SECISBP2L: variants seen among roughly 807,000 people sequenced by gnomAD.
SECISBP2L encodes SECIS binding protein 2 like.
In SECISBP2L, 43 loss-of-function variants were observed where a neutral mutation model predicts 114.7. That is an observed-to-expected ratio of 0.38 (90% CI 0.29 to 0.48). The LOEUF is 0.48. Ranked by LOEUF, SECISBP2L falls within the 20% of genes least tolerant of loss-of-function variation. The pLI, the probability that SECISBP2L is intolerant of heterozygous loss-of-function variation, is 0.98. For missense variants in SECISBP2L, 1,136 were observed against 1,301.1 expected, an observed-to-expected ratio of 0.87 and a Z score of 1.95; for synonymous variants, 451 against 439.7, an observed-to-expected ratio of 1.03 and a Z score of -0.32.
intron 8 of SECISBP2L, 34 bp downstream of exon 8, chr15:49,019,384 A>G (rs1363294802): frequency 7.3e-6 from 10 of 1,373,412 alleles, no homozygotes; most frequent in Admixed American, 7.2e-5. Context: ...AACATTTCCT[A>G]TAACAGCTTA....
In SECISBP2L at chr15:49,012,752, G is replaced by C; in HGVS notation, c.1627C>G (p.Pro543Ala). The C allele has an allele frequency of 6.2e-7, 1 of 1,613,898 alleles. No homozygotes were observed. Among genetic ancestry groups the C allele is most frequent in the Non-Finnish European group, 8.5e-7 (1 of 1,179,922 alleles). Reference sequence around the variant, plus strand: ...ACAGAATTAAAGGATGTCAAACAGGGCTGACTTTTGGTTAAAGGTTTTCTA... The same window carrying C: ...ACAGAATTAAAGGATGTCAAACAGGCCTGACTTTTGGTTAAAGGTTTTCTA... ...TNRKPLTKSQ[P>A]CLTSFNSVDI... is the part of the protein sequence containing the mutation. The change falls in exon 12 of 18, where the codon CCC becomes GCC. Residue 543 changes from proline (P) to alanine (A), a missense_variant. By Grantham distance (27) the Pro-to-Ala change is conservative. Transcript: ENST00000559471.
intron 1 of SECISBP2L, among the ~76,000 whole-genome samples, chr15:49,039,739 A>T (rs1351820967): frequency 6.6e-6 from 1 of 151,900 alleles, no homozygotes; most frequent in South Asian, 2.1e-4. Context: ...CACGTTTCCC[A>T]GGCTGGTCTT....
chr15:48,998,729 A>T (rs570224668), intron 16 of SECISBP2L, among the ~76,000 whole-genome samples: 8 of 152,132 alleles, frequency 5.3e-5, no homozygotes, highest in Non-Finnish European at 1.0e-4. Context: ...GTGAATAGAC[A>T]TACTTGATAA....
chr15:49,016,826 G>A, intron 10 of SECISBP2L, 22 bp downstream of exon 10: 2 of 1,603,942 alleles, frequency 1.2e-6, no homozygotes, highest in Non-Finnish European at 1.7e-6. Context: ...TATCACATTT[G>A]TTCATAAAAA....
intron 16 of SECISBP2L, 126 bp from the exon 17 acceptor site, chr15:48,996,712 G>T: frequency 4.0e-6 from 3 of 749,420 alleles, no homozygotes; most frequent in Non-Finnish European, 4.3e-6. Context: ...AAATCCAAAT[G>T]GTATGCAAAC....
intron 17 of SECISBP2L, chr15:48,996,153 T>G (rs535602321): frequency 1.1e-5 from 6 of 524,808 alleles, no homozygotes; most frequent in Non-Finnish European, 1.7e-5. Context: ...TTATAAAGAT[T>G]TGGAACTGTG....
At chr15:49,020,195 A>G (rs1021218960) in intron 7 of SECISBP2L, among the ~76,000 whole-genome samples, 8 of 151,886 alleles carry the variant, frequency 5.3e-5, no homozygotes, top group African/African-American at 1.9e-4. Context: ...CACAGGGGGG[A>G]AACTGCATAT....
chr15:49,028,038 C>CAGAA lies in SECISBP2L; in HGVS notation c.919+105_919+106insTTCT, dbSNP rs1318473080. On this transcript the variant is annotated intron_variant, in intron 6 of 17. Transcript: ENST00000559471. ...CAAATTACCTTGAATCTCTGGAAGA[C>CAGAA]TTCTAAGTTTTTTTTGCAGTATCAG... The CAGAA allele has an allele frequency of 3.9e-5, 39 of 1,012,250 alleles. No individual in the cohort carries two copies. The Middle Eastern group carries it at 6.4e-4, about 17-fold the overall frequency. 62.7% of individuals were successfully genotyped at this position (1,012,250 alleles called of 1,614,324 possible). A position where few individuals can be genotyped will look rare whatever the true frequency, so the allele number is the denominator to read the frequency against.
Position 49,009,230 on chromosome 15 carries a change from G to A in SECISBP2L, c.2013C>T (p.Ser671=), listed in dbSNP as rs1902385566. ...ATAAAACTTACTCTCTAAATCTTTT[G>A]CTGTGGATTTTGGTTATTGTTGAAG... ...MASSTITKIH[S]KRFREYCNQV... Residue 671 remains serine, a synonymous_variant, in exon 14 of 18, where the codon AGC becomes AGT. Transcript: ENST00000559471. 6.2e-7 allele frequency: 1 copy of A among 1,613,964 alleles called. No individual in the cohort carries two copies. Among genetic ancestry groups the A allele is most frequent in the African/African-American group, 1.3e-5 (1 of 75,010 alleles).
At chr15:49,032,263 A>G (rs971238247) in intron 4 of SECISBP2L, among the ~76,000 whole-genome samples, 2 of 152,242 alleles carry the variant, frequency 1.3e-5, no homozygotes, top group Non-Finnish European at 2.9e-5. Flanking sequence ...ATTTTTTACT[A>G]GTGTCAATAA....
intron 2 of SECISBP2L, among the ~76,000 whole-genome samples, chr15:49,036,381 G>A (rs140155846): frequency 6.6e-6 from 1 of 152,154 alleles, no homozygotes; most frequent in East Asian, 1.9e-4. Flanking sequence ...TGAAGCATAG[G>A]GCTTTTCCTC....
At chr15:48,999,807 A>C in intron 16 of SECISBP2L, 26 bp downstream of exon 16, 1 of 1,608,398 alleles carries the variant, frequency 6.2e-7, no homozygotes, top group African/African-American at 1.3e-5. Flanking sequence ...CTGGAGAGCA[A>C]GAGTGTGTGT....
At chr15:49,046,195 C>T (rs149574787) in intron 1 of SECISBP2L, 81 bp downstream of exon 1, 219 of 1,499,988 alleles carry the variant, frequency 1.5e-4, no homozygotes, top group Admixed American at 1.0e-3. Flanking sequence ...CCGGTCCCCA[C>T]GTTCGGAGAA....
At chr15:49,045,112 T>G (rs1190374069) in intron 1 of SECISBP2L, among the ~76,000 whole-genome samples, 1 of 152,194 alleles carries the variant, frequency 6.6e-6, no homozygotes, top group Non-Finnish European at 1.5e-5. Context: ...CAATTTCTCT[T>G]TGGTAATTCC....
At chr15:49,007,669 T>C (rs1902352062) in intron 14 of SECISBP2L, among the ~76,000 whole-genome samples, 1 of 152,182 alleles carries the variant, frequency 6.6e-6, no homozygotes. Context: ...AAAACAAACA[T>C]AATGATTTTG....
At chr15:49,007,212 C>G (rs1482574690) in intron 14 of SECISBP2L, among the ~76,000 whole-genome samples, 2 of 152,182 alleles carry the variant, frequency 1.3e-5, no homozygotes, top group African/African-American at 4.8e-5. Context: ...TGGAGCTGCC[C>G]TGTATGAGGA....
intron 7 of SECISBP2L, among the ~76,000 whole-genome samples, chr15:49,024,847 T>C (rs1356563276): frequency 6.6e-6 from 1 of 152,196 alleles, no homozygotes; most frequent in Admixed American, 6.5e-5. Context: ...GCATCAGAAG[T>C]AGAAAGCAAA....
At chr15:49,009,124 T>C in intron 14 of SECISBP2L, 92 bp downstream of exon 14, 2 of 1,359,630 alleles carry the variant, frequency 1.5e-6, no homozygotes, top group Non-Finnish European at 2.0e-6. Context: ...TTTTGTCTGC[T>C]TGACTCACTG....
Position 49,027,462 on chromosome 15 carries a change from T to G in SECISBP2L, c.938A>C (p.Asn313Thr), listed in dbSNP as rs1232587055. The change falls in exon 7 of 18, where the codon AAT (asparagine) becomes ACT (threonine). Residue 313 changes from asparagine (N) to threonine (T), a missense_variant. This residue lies in a region of SECISBP2L where 452 missense variants were observed against 452.3 expected (regional missense o/e 1.00). Coordinates refer to ENST00000559471, the MANE Select transcript of SECISBP2L (RefSeq NM_001193489.2). ...SMCAGGVNWS[N>T]VTCQATQKKP... ...TTTCTGAGTTGCCTGGCAAGTTACA[T>G]TGGACCAATTTACACCACCTATAAC... 6 of 1,607,686 alleles carry G rather than the reference T, an allele frequency of 3.7e-6. No homozygotes were observed. In the East Asian group the frequency reaches 1.3e-4, roughly 36 times the overall value.
Sources: gnomAD v4.1 joint callset for allele counts (sites outside exome capture counted in the v4.1 genomes callset) on GRCh38, gnomAD v4.1.1 for gene constraint, gnomAD v4.1.1 regional missense constraint, MANE v1.5 for transcripts, NCBI Gene and HGNC (gene_info 2026-07-23, HGNC 2026-07-21) for gene names.